Variants in SECISBP2 observed in about 807,000 individuals in gnomAD.
SECISBP2 encodes the protein SECIS binding protein 2, also known as selenocysteine insertion sequence-binding protein 2.
In SECISBP2, 96 loss-of-function variants were observed where a neutral mutation model predicts 98.2. That is an observed-to-expected ratio of 0.98 (90% CI 0.83 to 1.16). The LOEUF is 1.16. SECISBP2 is among the 50% of genes most tolerant of loss of function. SECISBP2 has a pLI of 0.00. For missense variants in SECISBP2, 1,046 were observed against 1,022.9 expected (o/e 1.02, Z -0.31); for synonymous variants, 407 against 370.2 (o/e 1.10, Z -1.14).
intron 14 of SECISBP2, 94 bp downstream of exon 14, chr9:89,350,946 C>A: frequency 1.0e-6 from 1 of 988,768 alleles, no homozygotes; most frequent in Non-Finnish European, 1.6e-6. Flanking sequence ...GCCCATGCCA[C>A]AGGTCTTGAC....
intron 10 of SECISBP2, among the ~76,000 whole-genome samples, chr9:89,343,805 C>T (rs1296282155): frequency 6.6e-6 from 1 of 152,202 alleles, no homozygotes; most frequent in African/African-American, 2.4e-5. Flanking sequence ...TGAACATTCA[C>T]ATGCATGTGT....
chr9:89,362,528 C>T (rs45440499), downstream of SECISBP2: 31 of 1,599,298 alleles, frequency 1.9e-5, no homozygotes, highest in Non-Finnish European at 2.6e-5. Flanking sequence ...GCAGAGCACT[C>T]AAGGCCTCAG....
intron 4 of SECISBP2, among the ~76,000 whole-genome samples, chr9:89,327,816 T>TG (rs1198627163): frequency 6.6e-6 from 1 of 151,272 alleles, no homozygotes; most frequent in East Asian, 1.9e-4. Flanking sequence ...TTTTGTGTTT[T>TG]TTTTTTTTTT....
Position 89,357,570 on chromosome 9 carries a change from G to A in SECISBP2, c.2268+5G>A. ...TTCAGCTATGATGGGGCCCAGGTGA[G>A]TGCACAGGGCACAGGCCTCTTCAGT... is the stretch of plus-strand genomic sequence containing the variant. On this transcript the variant is annotated splice_donor_5th_base_variant and intron_variant, in intron 15 of 16. Transcript: ENST00000375807. 6.2e-7 allele frequency: 1 copy of A among 1,612,990 alleles called. No homozygotes were observed. The highest frequency in any genetic ancestry group is 1.1e-5 in the South Asian group (1 of 91,038).
Position 89,328,898 on chromosome 9 carries a change from G to T in SECISBP2, c.801+12G>T, listed in dbSNP as rs372551613. 3 of 1,595,908 alleles carry T rather than the reference G, an allele frequency of 1.9e-6. No individual in the cohort carries two copies. Among genetic ancestry groups the T allele is most frequent in the Admixed American group, 1.7e-5 (1 of 59,802 alleles). On this transcript the variant is annotated intron_variant, in intron 5 of 16. Coordinates refer to ENST00000375807, the MANE Select transcript of SECISBP2 (RefSeq NM_024077.5). ...CAGTGTTATCAAAGGTGAGGTGAGG[G>T]TTTCTCTCTTTTTCTTTTTCCTTTG...
intron 14 of SECISBP2, chr9:89,355,192 T>C: frequency 1.0e-6 from 1 of 985,450 alleles, no homozygotes; most frequent in Non-Finnish European, 1.2e-6. Context: ...AGAGGATCGA[T>C]ATGTAAGTAG....
intron 4 of SECISBP2, 144 bp downstream of exon 4, chr9:89,326,182 C>T (rs1826673698): frequency 5.3e-6 from 5 of 935,344 alleles, no homozygotes; most frequent in African/African-American, 1.6e-5. Context: ...CAGCTTAGGG[C>T]GTCAGACTTC....
At chr9:89,319,541 A>C (rs914653893) in intron 1 of SECISBP2, 111 bp from the exon 2 acceptor site, 1 of 1,251,248 alleles carries the variant, frequency 8.0e-7, no homozygotes, top group Non-Finnish European at 1.2e-6. Flanking sequence ...GTTTTTAAAC[A>C]ACATCGGGAA....
chr9:89,331,421 CATGTT>C (rs1229454263), intron 5 of SECISBP2, among the ~76,000 whole-genome samples: 4 of 152,096 alleles, frequency 2.6e-5, no homozygotes, highest in Admixed American at 1.3e-4. Context: ...TTCCTGGACT[CATGTT>C]ATGAATTGAC....
At chr9:89,319,916 T>G (rs1055596704) in intron 2 of SECISBP2, 119 bp downstream of exon 2, 32 of 1,088,474 alleles carry the variant, frequency 2.9e-5, no homozygotes, top group Middle Eastern at 2.9e-4. Flanking sequence ...GAGAATGCTC[T>G]TCAACCAAGA....
intron 13 of SECISBP2, 118 bp from the exon 14 acceptor site, chr9:89,350,514 T>C (rs893963915): frequency 2.2e-6 from 2 of 900,958 alleles, no homozygotes; most frequent in Non-Finnish European, 1.9e-6. Flanking sequence ...GTAGTACTTG[T>C]TGAAACGTGA....
intron 14 of SECISBP2, among the ~76,000 whole-genome samples, chr9:89,353,696 TC>T (rs1343751706): frequency 6.6e-6 from 1 of 152,202 alleles, no homozygotes; most frequent in Non-Finnish European, 1.5e-5. Context: ...CTCACATTCT[TC>T]CGTGGATTTG....
chr9:89,349,125 A>C (rs1339855095), intron 12 of SECISBP2, among the ~76,000 whole-genome samples: 1 of 152,206 alleles, frequency 6.6e-6, no homozygotes, highest in East Asian at 1.9e-4. Context: ...CATCTCTACC[A>C]GCCCACGGGG....
downstream of SECISBP2, chr9:89,363,916 A>G (rs1564478659): frequency 1.2e-6 from 2 of 1,614,098 alleles, no homozygotes; most frequent in African/African-American, 1.3e-5. Context: ...GAGCTCGCCC[A>G]TTCTTCTCCC....
At chr9:89,329,431 A>G (rs112933052) in intron 5 of SECISBP2, 10,204 of 154,022 alleles carry the variant, frequency 0.066, 471 homozygotes, top group Middle Eastern at 0.13. Flanking sequence ...GGCTGTAGCT[A>G]TTGTTTTAAA....
chr9:89,346,854 G>A (rs768548273), intron 10 of SECISBP2, 28 bp from the exon 11 acceptor site: 28 of 1,613,436 alleles, frequency 1.7e-5, no homozygotes, highest in Middle Eastern at 1.7e-4. Flanking sequence ...GGAGGTGACC[G>A]TGAGGGCTTT....
downstream of SECISBP2, chr9:89,362,235 T>C: frequency 8.4e-7 from 1 of 1,185,322 alleles, no homozygotes. Flanking sequence ...TTCTCCACTG[T>C]CCCGCCTCTG....
At chr9:89,363,705 C>G, downstream of SECISBP2, 1 of 1,601,494 alleles carries the variant, frequency 6.2e-7, no homozygotes, top group Non-Finnish European at 8.5e-7. Context: ...AAAATTACCT[C>G]ATAAAAGGGT....
chr9:89,325,367 A>G (rs1826510395), intron 2 of SECISBP2, 60 bp from the exon 3 acceptor site: 4 of 1,527,616 alleles, frequency 2.6e-6, no homozygotes, highest in South Asian at 2.2e-5. Context: ...AGTTTATTAC[A>G]GAAAAGCTTC....
Sources: gnomAD v4.1 joint callset for allele counts (sites outside exome capture counted in the v4.1 genomes callset) on GRCh38, gnomAD v4.1.1 for gene constraint, MANE v1.5 for transcripts, NCBI Gene and HGNC (gene_info 2026-07-23, HGNC 2026-07-21) for gene names.